KCNH7: variants seen among roughly 807,000 people sequenced by gnomAD.
KCNH7 encodes the protein potassium voltage-gated channel subfamily H member 7.
Under a neutral mutation model 120.8 loss-of-function variants are expected in KCNH7, and 49 were observed. That is an observed-to-expected ratio of 0.41 (90% CI 0.32 to 0.51). The LOEUF is 0.51. Ranked by LOEUF, KCNH7 falls within the 20% of genes least tolerant of loss-of-function variation. The pLI is 0.38. For synonymous variants in KCNH7, 547 were observed against 516.1 expected (o/e 1.06, Z -0.81); for missense variants, 1,097 against 1,446.6 (o/e 0.76, Z 3.92).
chr2:162,752,960 A>G (rs1381701287), intron 2 of KCNH7, among the ~76,000 whole-genome samples: 24 of 114,164 alleles, frequency 2.1e-4, no homozygotes, highest in African/African-American at 1.0e-3. Flanking sequence ...AAAGAAAAGA[A>G]AAGAAAAGAA....
intron 2 of KCNH7, among the ~76,000 whole-genome samples, chr2:162,812,759 G>A (rs2105572286): frequency 6.6e-6 from 1 of 152,200 alleles, no homozygotes; most frequent in South Asian, 2.1e-4. Flanking sequence ...TAAAAGAATT[G>A]AGATTCAAAG....
intron 2 of KCNH7, among the ~76,000 whole-genome samples, chr2:162,569,119 T>G (rs1316585363): frequency 6.6e-6 from 1 of 152,082 alleles, no homozygotes; most frequent in Non-Finnish European, 1.5e-5. Context: ...AGTTCCTCCT[T>G]GCACCTCTGG....
intron 2 of KCNH7, among the ~76,000 whole-genome samples, chr2:162,605,354 A>G (rs890032323): frequency 6.6e-6 from 1 of 152,136 alleles, no homozygotes; most frequent in African/African-American, 2.4e-5. Context: ...GTTAGGCTAG[A>G]GTTCACCTTT....
intron 2 of KCNH7, among the ~76,000 whole-genome samples, chr2:162,700,151 A>T (rs1419553257): frequency 6.6e-6 from 1 of 152,080 alleles, no homozygotes. Flanking sequence ...TAATAAATAA[A>T]GGCATTCAGG....
At chr2:162,395,471 C>T (rs1686883998) in intron 11 of KCNH7, among the ~76,000 whole-genome samples, 1 of 151,690 alleles carries the variant, frequency 6.6e-6, no homozygotes. Context: ...CTGGTTCACT[C>T]TGTCTAATAT....
At chr2:162,577,659 G>A (rs1693734635) in intron 2 of KCNH7, among the ~76,000 whole-genome samples, 1 of 151,952 alleles carries the variant, frequency 6.6e-6, no homozygotes, top group Non-Finnish European at 1.5e-5. Context: ...AATACAACCT[G>A]TTCCTTTCCT....
intron 8 of KCNH7, among the ~76,000 whole-genome samples, chr2:162,429,468 A>G (rs1687995946): frequency 8.0e-6 from 1 of 125,478 alleles, no homozygotes; most frequent in Non-Finnish European, 1.6e-5. Flanking sequence ...TTCATCTGGT[A>G]TAATTTTCTT....
chr2:162,613,161 G>A (rs1574169685), intron 2 of KCNH7, among the ~76,000 whole-genome samples: 1 of 151,930 alleles, frequency 6.6e-6, no homozygotes, highest in Non-Finnish European at 1.5e-5. Flanking sequence ...GGAATCCACA[G>A]TCAGAGGTAT....
intron 2 of KCNH7, among the ~76,000 whole-genome samples, chr2:162,662,706 T>A (rs1287042835): frequency 6.6e-6 from 1 of 152,204 alleles, no homozygotes; most frequent in African/African-American, 2.4e-5. Flanking sequence ...AACTGTACTC[T>A]TCTTTATAGC....
chr2:162,830,594 A>G (rs191705418), intron 2 of KCNH7, among the ~76,000 whole-genome samples: 222 of 152,306 alleles, frequency 1.5e-3, no homozygotes, highest in African/African-American at 5.2e-3. Flanking sequence ...AAACATACCT[A>G]TAATGGTTTG....
intron 2 of KCNH7, among the ~76,000 whole-genome samples, chr2:162,557,190 G>T (rs1445424274): frequency 1.3e-5 from 2 of 152,164 alleles, no homozygotes; most frequent in Non-Finnish European, 2.9e-5. Context: ...CACTCATATG[G>T]CTGGCTGCCA....
intron 8 of KCNH7, among the ~76,000 whole-genome samples, chr2:162,431,967 TTTAC>T (rs1429992311): frequency 6.6e-6 from 1 of 151,922 alleles, no homozygotes; most frequent in Non-Finnish European, 1.5e-5. Context: ...CACTACGTAT[TTTAC>T]TTAATCCTCA....
chr2:162,708,065 T>G (rs1418428847), intron 2 of KCNH7, among the ~76,000 whole-genome samples: 1 of 152,146 alleles, frequency 6.6e-6, no homozygotes, highest in East Asian at 1.9e-4. Flanking sequence ...GTAAAATATG[T>G]TCTTATTTAT....
intron 2 of KCNH7, among the ~76,000 whole-genome samples, chr2:162,682,820 CACA>C (rs1414411246): frequency 3.3e-5 from 5 of 151,676 alleles, no homozygotes; most frequent in African/African-American, 4.8e-5. Flanking sequence ...TGGTCAATAT[CACA>C]ACATTTATAT....
chr2:162,446,557 T>A (rs1374448409), intron 6 of KCNH7, 114 bp from the exon 7 acceptor site: 1 of 755,900 alleles, frequency 1.3e-6, no homozygotes, highest in African/African-American at 1.8e-5. Flanking sequence ...AGAGAATTCA[T>A]GTAATTTGGA....
intron 2 of KCNH7, among the ~76,000 whole-genome samples, chr2:162,552,136 G>C (rs1692688838): frequency 6.6e-6 from 1 of 152,126 alleles, no homozygotes. Flanking sequence ...ATGTTCTAGA[G>C]GGTAGCAATC....
intron 3 of KCNH7, among the ~76,000 whole-genome samples, chr2:162,519,402 T>G (rs1306828810): frequency 1.3e-5 from 2 of 151,812 alleles, no homozygotes; most frequent in African/African-American, 2.4e-5. Context: ...TCACATAATT[T>G]TCATCAAAAA....
intron 2 of KCNH7, among the ~76,000 whole-genome samples, chr2:162,729,411 CT>C (rs1687642499): frequency 7.2e-6 from 1 of 138,036 alleles, no homozygotes; most frequent in African/African-American, 3.4e-5. Context: ...TTTTGTTTTT[CT>C]TTTTTTCTTT....
intron 2 of KCNH7, among the ~76,000 whole-genome samples, chr2:162,605,203 CA>C (rs913040357): frequency 6.6e-6 from 1 of 152,056 alleles, no homozygotes; most frequent in Non-Finnish European, 1.5e-5. Context: ...AGTGTGCAGA[CA>C]TGCCAATCTT....
Sources: gnomAD v4.1 joint callset for allele counts (sites outside exome capture counted in the v4.1 genomes callset) on GRCh38, gnomAD v4.1.1 for gene constraint, MANE v1.5 for transcripts, NCBI Gene and HGNC (gene_info 2026-07-23, HGNC 2026-07-21) for gene names.